Variants in ZPBP observed in about 807,000 individuals in gnomAD.
ZPBP encodes the protein zona pellucida binding protein.
ZPBP carries 26 observed loss-of-function variants against 44.8 expected under a neutral mutation model. The observed-to-expected ratio is 0.58, with a 90% CI of 0.43 to 0.81. ZPBP has a LOEUF of 0.81. ZPBP is among the 30% of genes least tolerant of loss of function. ZPBP has a pLI of 0.00. For synonymous variants in ZPBP, 174 were observed against 153.2 expected, an observed-to-expected ratio of 1.14 and a Z score of -1.00; for missense variants, 409 against 434.0, an observed-to-expected ratio of 0.94 and a Z score of 0.51.
chr7:49,846,262 C>T (rs1789942980), downstream of ZPBP, among the ~76,000 whole-genome samples: 2 of 152,152 alleles, frequency 1.3e-5, no homozygotes, highest in African/African-American at 4.8e-5. Context: ...CATGTCGCCA[C>T]TTCCTCTGTG....
chr7:49,877,426 C>T (rs1791457444), intron 2 of ZPBP, among the ~76,000 whole-genome samples: 2 of 119,396 alleles, frequency 1.7e-5, no homozygotes, highest in African/African-American at 3.2e-5. Context: ...CACACCATTG[C>T]ATTCCAGCCT....
intron 2 of ZPBP, among the ~76,000 whole-genome samples, chr7:49,877,063 C>T (rs1297446932): frequency 6.6e-6 from 1 of 152,030 alleles, no homozygotes; most frequent in East Asian, 1.9e-4. Context: ...AGCTGATGCC[C>T]AAAGAGACTG....
At position 50,085,349 on chromosome 7, in the gene ZPBP, T is replaced by C. The variant is rs544085184; in HGVS notation, c.209-3450A>G. Among the ~76,000 whole-genome samples the C allele has an allele frequency of 2.0e-5, 3 of 152,270 alleles. No individual in the cohort carries two copies. In the East Asian group the frequency reaches 5.8e-4, roughly 29 times the overall value. ...AATTTCTGTTGTTTAAGCCACCCTG[T>C]CTGTGGTTCTTTTGTTCCAGCATCC... is the stretch of plus-strand genomic sequence containing the variant. On this transcript the variant is annotated intron_variant, in intron 2 of 7. Transcript: ENST00000046087.
chr7:50,010,882 C>T (rs1798536064), intron 6 of ZPBP, among the ~76,000 whole-genome samples: 1 of 148,014 alleles, frequency 6.8e-6, no homozygotes, highest in Non-Finnish European at 1.5e-5. Context: ...AATATAAAGG[C>T]CCCACATAGC....
chr7:50,036,137 A>C (rs1236165141), intron 4 of ZPBP, among the ~76,000 whole-genome samples: 2 of 152,210 alleles, frequency 1.3e-5, no homozygotes, highest in Non-Finnish European at 2.9e-5. Flanking sequence ...TGATAAGTTA[A>C]GAAATCCTAA....
intron 5 of ZPBP, among the ~76,000 whole-genome samples, chr7:50,026,380 A>T (rs1261512457): frequency 6.6e-6 from 1 of 151,896 alleles, no homozygotes; most frequent in Non-Finnish European, 1.5e-5. Context: ...TGAATATAAA[A>T]GGCAGAAGAT....
chr7:50,074,705 A>G (rs1397635280), intron 3 of ZPBP, among the ~76,000 whole-genome samples: 1 of 152,032 alleles, frequency 6.6e-6, no homozygotes, highest in African/African-American at 2.4e-5. Flanking sequence ...GGGTCAATTC[A>G]GCAAGAGAAT....
intron 1 of ZPBP, among the ~76,000 whole-genome samples, chr7:49,906,599 G>A (rs1793107549): frequency 6.6e-6 from 1 of 152,172 alleles, no homozygotes; most frequent in Admixed American, 6.5e-5. Context: ...GCCTCACAAA[G>A]TGCTGGGATT....
intron 6 of ZPBP, among the ~76,000 whole-genome samples, chr7:49,994,711 G>C (rs532018483): frequency 6.6e-6 from 1 of 152,076 alleles, no homozygotes; most frequent in Admixed American, 6.5e-5. Flanking sequence ...CACATATTAG[G>C]GCCTGTCAAG....
chr7:49,940,892 G>C, intron 7 of ZPBP: 1 of 572,484 alleles, frequency 1.7e-6, no homozygotes, highest in Non-Finnish European at 2.2e-6. Context: ...GGGGAACATA[G>C]GTGGGGCAAG....
At chr7:49,935,908 G>A (rs771585698), downstream of ZPBP, 10 of 152,136 alleles carry the variant, frequency 6.6e-5, no homozygotes, top group Non-Finnish European at 1.3e-4. Context: ...CTTAGCATGT[G>A]CGTAACAACT....
intron 2 of ZPBP, among the ~76,000 whole-genome samples, chr7:49,890,264 T>A (rs1792072658): frequency 6.6e-6 from 1 of 152,314 alleles, no homozygotes; most frequent in Non-Finnish European, 1.5e-5. Context: ...ACTTTGAAAT[T>A]CTATTATATA....
At chr7:50,027,341 T>C (rs772538461) in intron 5 of ZPBP, among the ~76,000 whole-genome samples, 12 of 151,868 alleles carry the variant, frequency 7.9e-5, no homozygotes, top group Non-Finnish European at 1.8e-4. Flanking sequence ...TATACAAATA[T>C]GTGGAAATTG....
chr7:49,949,281 T>C (rs73349124), intron 7 of ZPBP, among the ~76,000 whole-genome samples: 3,321 of 152,256 alleles, frequency 0.022, 142 homozygotes, highest in African/African-American at 0.076. Context: ...GGCAGCCTAA[T>C]ATAGTATATA....
intron 1 of ZPBP, among the ~76,000 whole-genome samples, chr7:49,930,085 T>A (rs917810902): frequency 6.6e-6 from 1 of 152,310 alleles, no homozygotes; most frequent in African/African-American, 2.4e-5. Flanking sequence ...TTATGTTTCT[T>A]TCTGAATGGA....
chr7:49,965,963 T>C (rs1486570270), intron 7 of ZPBP, among the ~76,000 whole-genome samples: 1 of 151,912 alleles, frequency 6.6e-6, no homozygotes, highest in East Asian at 1.9e-4. Context: ...AAAAGAAAGC[T>C]GCAGTGACAA....
intron 2 of ZPBP, among the ~76,000 whole-genome samples, chr7:49,895,734 T>TCAC (rs10625524): frequency 5.3e-5 from 8 of 151,828 alleles, no homozygotes; most frequent in African/African-American, 1.9e-4. Flanking sequence ...TCTGCCTGCA[T>TCAC]ATTTCTTGTA....
In ZPBP at chr7:50,031,311, C is replaced by A; in HGVS notation, c.488-1G>T. 6.2e-7 allele frequency: 1 copy of A among 1,607,134 alleles called. No individual in the cohort carries two copies. The highest frequency in any genetic ancestry group is 8.5e-7 in the Non-Finnish European group (1 of 1,177,936). On this transcript the variant is annotated splice_acceptor_variant, in intron 4 of 7. Transcript: ENST00000046087. LOFTEE classifies it high-confidence loss of function. ...TAATAATAATGAGGCTCACGATAAGCTGTAAAAAATTAACAAGAGAAAGAC... is the reference window on the plus strand; with the variant it reads ...TAATAATAATGAGGCTCACGATAAGATGTAAAAAATTAACAAGAGAAAGAC...
intron 2 of ZPBP, among the ~76,000 whole-genome samples, chr7:49,861,352 T>C (rs964723642): frequency 1.3e-5 from 2 of 152,318 alleles, no homozygotes; most frequent in East Asian, 3.9e-4. Context: ...TGCCTTTTTG[T>C]TGTTGAGGTT....
Sources: gnomAD v4.1 joint callset for allele counts (sites outside exome capture counted in the v4.1 genomes callset) on GRCh38, gnomAD v4.1.1 for gene constraint, MANE v1.5 for transcripts, NCBI Gene and HGNC (gene_info 2026-07-23, HGNC 2026-07-21) for gene names.